ZC3H7B: variants seen among roughly 807,000 people sequenced by gnomAD.
ZC3H7B encodes the protein zinc finger CCCH domain-containing protein 7B.
A neutral mutation model predicts 116.0 loss-of-function variants in ZC3H7B; 35 were observed. The ratio of observed to expected loss-of-function variants is 0.30; its 90% confidence interval spans 0.23 to 0.40. The LOEUF (loss-of-function observed/expected upper bound fraction) is 0.40, where lower values mean the gene tolerates loss of function less well. Among genes scored for constraint, ZC3H7B ranks in the 10% least tolerant of loss-of-function variants. The pLI is 1.00. For synonymous variants in ZC3H7B, 502 were observed against 545.6 expected (o/e 0.92, Z 1.11); for missense variants, 1,011 against 1,321.5 (o/e 0.77, Z 3.64).
At chr22:41,321,679 A>G (rs1379204470) in intron 2 of ZC3H7B, among the ~76,000 whole-genome samples, 1 of 151,882 alleles carries the variant, frequency 6.6e-6, no homozygotes, top group Non-Finnish European at 1.5e-5. Flanking sequence ...TCTTCTCAAC[A>G]GCCCAGTAAA....
At chr22:41,310,475 C>T (rs1483983084) in intron 1 of ZC3H7B, among the ~76,000 whole-genome samples, 1 of 152,106 alleles carries the variant, frequency 6.6e-6, no homozygotes, top group Non-Finnish European at 1.5e-5. Context: ...GCCTGCCTCC[C>T]TGTCAGCACA....
At position 41,327,760 on chromosome 22, in the gene ZC3H7B, A is replaced by G. The variant is rs2036336116; in HGVS notation, c.444+396A>G. ...CAACATGGCAAAACCCCATCTCTAC[A>G]AAAAATACAAAATTTAGCCGGGCAT... On this transcript the variant is annotated intron_variant, in intron 5 of 22. Coordinates refer to ENST00000352645, the MANE Select transcript of ZC3H7B (RefSeq NM_017590.6). The surrounding 1 kb of genome is among the most constrained non-coding windows in gnomAD (Gnocchi z 4.5). Among the ~76,000 whole-genome samples the G allele has an allele frequency of 6.6e-6, 1 of 152,020 alleles. No homozygotes were observed. Among genetic ancestry groups the G allele is most frequent in the Non-Finnish European group, 1.5e-5 (1 of 67,990 alleles).
intron 7 of ZC3H7B, 95 bp downstream of exon 7, chr22:41,332,322 C>T: frequency 6.8e-7 from 1 of 1,460,678 alleles, no homozygotes; most frequent in Non-Finnish European, 9.6e-7. Flanking sequence ...GGCAGTGGGT[C>T]CAGGGGCCTC....
Position 41,304,068 on chromosome 22 carries a change from T to G in ZC3H7B, c.-7+2296T>G, listed in dbSNP as rs545210603. On this transcript the variant is annotated intron_variant, in intron 1 of 22. Coordinates refer to ENST00000352645, the MANE Select transcript of ZC3H7B (RefSeq NM_017590.6). ...CACCATGCCCAGCCTTCTTTTTATT[T>G]TTTGAGACAAGGTCTCACTCTGTCA... is the stretch of plus-strand genomic sequence containing the variant. 9.2e-5 allele frequency among the ~76,000 whole-genome samples: 14 copies of G among 151,898 alleles called. No homozygotes were observed. In the East Asian group the frequency reaches 1.2e-3, roughly 13 times the overall value.
chr22:41,357,426 G>T lies in ZC3H7B; in HGVS notation c.2931G>T (p.Glu977Asp). Residue 977 changes from glutamate (E) to aspartate (D), a missense_variant, in exon 23 of 23, where the codon GAG becomes GAT. Physicochemically the swap from Glu to Asp is conservative, Grantham distance 45. Around this residue, in one of 5 missense-constraint regions of ZC3H7B, gnomAD observed 406 missense variants for 590.2 expected, o/e 0.69. Transcript: ENST00000352645. This position sits in a 1 kb window ranked among gnomAD's most constrained non-coding sequence, Gnocchi z 5.4. ...PAAAATATTG[E>D] ...CTGCTGCCACCGCCACCACTGGGGA[G>T]TAGGGCCAGGTGTTGGCCGTGGGTG... The T allele has an allele frequency of 6.4e-7, 1 of 1,565,002 alleles. No individual in the cohort carries two copies. Among genetic ancestry groups the T allele is most frequent in the African/African-American group, 1.4e-5 (1 of 73,612 alleles).
In ZC3H7B at chr22:41,327,107, A is replaced by G. The variant is rs1219824568; in HGVS notation, c.286-99A>G. On this transcript the variant is annotated intron_variant, in intron 4 of 22. Coordinates refer to ENST00000352645, the MANE Select transcript of ZC3H7B (RefSeq NM_017590.6). The surrounding 1 kb of genome is among the most constrained non-coding windows in gnomAD (Gnocchi z 4.5). ...AGACTTCAGCTCCTCTGTCTCTGCC[A>G]GGAAGGGAAGCTGGTGTTCCTTCCT... is the stretch of plus-strand genomic sequence containing the variant. 3 of 1,523,176 alleles carry G rather than the reference A, an allele frequency of 2.0e-6. No individual in the cohort carries two copies. The highest frequency in any genetic ancestry group is 1.8e-6 in the Non-Finnish European group (2 of 1,129,222). 94.4% of individuals were successfully genotyped at this position (1,523,176 alleles called of 1,614,324 possible).
intron 7 of ZC3H7B, chr22:41,335,838 T>A (rs1179744948): frequency 6.5e-6 from 1 of 152,700 alleles, no homozygotes; most frequent in Non-Finnish European, 1.5e-5. Context: ...GCATAGCAGC[T>A]TTCTGGGCTG....
rs528475526 is a variant in ZC3H7B, at chr22:41,346,874, G to A, written c.1665+666G>A. 7.9e-5 allele frequency among the ~76,000 whole-genome samples: 12 copies of A among 151,644 alleles called. No homozygotes were observed. The East Asian group carries it at 2.3e-3, about 29-fold the overall frequency. ...GTTACTCAGGAGGCTAAGGTGGGAG[G>A]ATTGATTGCTTGCGTCCAGGAGGTA... On this transcript the variant is annotated intron_variant, in intron 14 of 22. Coordinates refer to ENST00000352645, the MANE Select transcript of ZC3H7B (RefSeq NM_017590.6). The surrounding 1 kb of genome is among the most constrained non-coding windows in gnomAD (Gnocchi z 5.3).
chr22:41,357,556 C>G lies in ZC3H7B; in HGVS notation c.*127C>G. ...CCCTCATCAGGCAGCCCCCAGCCCC[C>G]TGAGGCCCTGTCCATCTTCTCCCCA... On this transcript the variant is annotated 3_prime_UTR_variant, in exon 23 of 23. Transcript: ENST00000352645. This position sits in a 1 kb window ranked among gnomAD's most constrained non-coding sequence, Gnocchi z 5.4. 2 of 1,047,170 alleles carry G rather than the reference C, an allele frequency of 1.9e-6. No homozygotes were observed. Among genetic ancestry groups the G allele is most frequent in the South Asian group, 1.6e-5 (1 of 63,522 alleles). 64.9% of individuals were successfully genotyped at this position (1,047,170 alleles called of 1,614,324 possible).
Position 41,330,008 on chromosome 22 carries a change from T to G in ZC3H7B, c.445-15T>G. On this transcript the variant is annotated splice_polypyrimidine_tract_variant and intron_variant, in intron 5 of 22. Transcript: ENST00000352645. Reference sequence around the variant, plus strand: ...GGGCAGACTGACCCACCGCCCTGTGTCTTGTCCTCTGCAGGATGAAAGCGT... The same window carrying G: ...GGGCAGACTGACCCACCGCCCTGTGGCTTGTCCTCTGCAGGATGAAAGCGT... The G allele has an allele frequency of 6.2e-7, 1 of 1,613,602 alleles. No homozygotes were observed. The highest frequency in any genetic ancestry group is 8.5e-7 in the Non-Finnish European group (1 of 1,179,960).
chr22:41,315,856 T>C, intron 1 of ZC3H7B, among the ~76,000 whole-genome samples: 1 of 152,176 alleles, frequency 6.6e-6, no homozygotes, highest in East Asian at 1.9e-4. Flanking sequence ...TCAGATATAG[T>C]CACATTAGAG....
chr22:41,327,349 C>T lies in ZC3H7B; in HGVS notation c.429C>T (p.Ser143=). The part of the protein sequence containing the change: ...KEAYECSSRC[S]LALPHDESVT... ...CCTACGAGTGCAGCAGCCGGTGTTC[C>T]CTCGCCCTGCCCCACGTGAGTGTGG... The change falls in exon 5 of 23, where the codon TCC becomes TCT. Residue 143 remains serine (S), a synonymous_variant. Transcript: ENST00000352645. The surrounding 1 kb of genome is among the most constrained non-coding windows in gnomAD (Gnocchi z 4.5). The T allele has an allele frequency of 6.2e-7, 1 of 1,611,506 alleles. No individual in the cohort carries two copies.
Position 41,348,135 on chromosome 22 carries a change from C to G in ZC3H7B, c.1734C>G (p.Asn578Lys). The G allele has an allele frequency of 1.2e-6, 2 of 1,614,044 alleles. No individual in the cohort carries two copies. Among genetic ancestry groups the G allele is most frequent in the Non-Finnish European group, 1.7e-6 (2 of 1,179,970 alleles). ...AGGACTCTCCGTCTGTCTGCTCCAA[C>G]CTGGCTGCCAAGCACAGCTTCTACA... Reference protein sequence around the residue: ...GTKDSPSVCSNLAAKHSFYNN... With the variant: ...GTKDSPSVCSKLAAKHSFYNN... The change falls in exon 15 of 23, where the codon AAC (asparagine) becomes AAG (lysine). Residue 578 changes from asparagine to lysine, a missense_variant. Around this residue, in one of 5 missense-constraint regions of ZC3H7B, gnomAD observed 406 missense variants for 590.2 expected, o/e 0.69. Coordinates refer to ENST00000352645, the MANE Select transcript of ZC3H7B (RefSeq NM_017590.6).
In ZC3H7B at chr22:41,357,181, C is replaced by T. The variant is rs1277949965; in HGVS notation, c.2686C>T (p.Gln896Ter). The change falls in exon 23 of 23, where the codon CAG becomes TAG. Residue 896 changes from glutamine (Q) to a stop codon, truncating the protein, a stop_gained. Coordinates refer to ENST00000352645, the MANE Select transcript of ZC3H7B (RefSeq NM_017590.6). LOFTEE classifies it high-confidence loss of function. The surrounding 1 kb of genome is among the most constrained non-coding windows in gnomAD (Gnocchi z 5.4). ...MGEFRLCDRL[Q>*]KGKACPDGDK... Reference sequence around the variant, plus strand: ...TGAGCCTCCTGCCACCCACAGGCTCCAGAAGGGCAAAGCCTGCCCAGATGG... The same window carrying T: ...TGAGCCTCCTGCCACCCACAGGCTCTAGAAGGGCAAAGCCTGCCCAGATGG... 6.2e-7 allele frequency: 1 copy of T among 1,612,886 alleles called. No individual in the cohort carries two copies. Among genetic ancestry groups the T allele is most frequent in the African/African-American group, 1.3e-5 (1 of 74,900 alleles).
chr22:41,307,558 G>T (rs958519298), intron 1 of ZC3H7B, among the ~76,000 whole-genome samples: 1 of 152,220 alleles, frequency 6.6e-6, no homozygotes, highest in Admixed American at 6.5e-5. Flanking sequence ...GCTCCTCAGC[G>T]TCAGAGGCTG....
chr22:41,328,959 G>T (rs550703901), intron 5 of ZC3H7B, among the ~76,000 whole-genome samples: 1 of 151,370 alleles, frequency 6.6e-6, no homozygotes, highest in Non-Finnish European at 1.5e-5. Flanking sequence ...GGCCGAGGCG[G>T]GTGGATCACT....
chr22:41,304,199 C>T (rs4822020), intron 1 of ZC3H7B, among the ~76,000 whole-genome samples: 43,325 of 152,086 alleles, frequency 0.28, 7,174 homozygotes, highest in Admixed American at 0.49. Context: ...TGAGCCACCA[C>T]ACCTGGCTGC....
In ZC3H7B at chr22:41,349,333, G is replaced by T; in HGVS notation, c.1948+32G>T. 1 of 1,608,018 alleles carries T rather than the reference G, an allele frequency of 6.2e-7. No homozygotes were observed. Among genetic ancestry groups the T allele is most frequent in the South Asian group, 1.1e-5 (1 of 90,734 alleles). On this transcript the variant is annotated intron_variant, in intron 16 of 22. Transcript: ENST00000352645. The surrounding 1 kb of genome is among the most constrained non-coding windows in gnomAD (Gnocchi z 4.9). ...GGCAGGCGGTGCAGGTGGAGGGCAG[G>T]TGACTCAGGTGAGGGGTAGGCGGCG...
Position 41,301,792 on chromosome 22 carries a change from C to G in ZC3H7B, c.-7+20C>G, listed in dbSNP as rs996738633. The stretch of plus-strand genomic sequence containing the variant: ...GCGGAGGTGAGTGCTTGGCGCGGCC[C>G]GAGCCCCGCGGGGCAGAGGCCGGGG... On this transcript the variant is annotated intron_variant, in intron 1 of 22. Coordinates refer to ENST00000352645, the MANE Select transcript of ZC3H7B (RefSeq NM_017590.6). The G allele has an allele frequency of 3.3e-5, 5 of 151,890 alleles. No homozygotes were observed. The highest frequency in any genetic ancestry group is 7.4e-5 in the Non-Finnish European group (5 of 67,954). The allele number at this position is 151,890 out of a possible 1,614,324, so 9.4% of individuals were successfully genotyped here. A position where few individuals can be genotyped will look rare whatever the true frequency, so the allele number is the denominator to read the frequency against.
Sources: gnomAD v4.1 joint callset for allele counts (sites outside exome capture counted in the v4.1 genomes callset) on GRCh38, gnomAD v4.1.1 for gene constraint, gnomAD v4.1.1 regional missense constraint, Gnocchi (gnomAD v3.1) non-coding constraint, MANE v1.5 for transcripts, NCBI Gene and HGNC (gene_info 2026-07-23, HGNC 2026-07-21) for gene names.